Variants in GPX4 observed in about 807,000 individuals in gnomAD.
GPX4 encodes the protein glutathione peroxidase 4.
Under a neutral mutation model 27.8 loss-of-function variants are expected in GPX4, and 28 were observed. That is an observed-to-expected ratio of 1.01 (90% confidence interval 0.75 to 1.38). The LOEUF (loss-of-function observed/expected upper bound fraction) is 1.38, where lower values mean the gene tolerates loss of function less well. GPX4 is among the 40% of genes most tolerant of loss of function. The probability of loss-of-function intolerance (pLI) is 0.00; values close to 1 mark genes in which losing one functional copy is unlikely to be tolerated. For missense variants in GPX4, 357 were observed against 274.1 expected (o/e 1.30, Z -2.14); for synonymous variants, 163 against 107.8 (o/e 1.51, Z -3.17).
chr19:1,106,698 C>G lies in GPX4; in HGVS notation c.*126C>G. ...CCCGAAAATCCAGCGTGCACCCCGC[C>G]GGAGGAAGGTCCCATGGCCTGCTGG... On this transcript the variant is annotated 3_prime_UTR_variant, in exon 7 of 7. Coordinates refer to ENST00000354171, the MANE Select transcript of GPX4 (RefSeq NM_002085.5). The G allele has an allele frequency of 7.7e-7, 1 of 1,305,228 alleles. No individual in the cohort carries two copies. Among genetic ancestry groups the G allele is most frequent in the African/African-American group, 1.5e-5 (1 of 67,886 alleles). 80.9% of individuals were successfully genotyped at this position (1,305,228 alleles called of 1,614,324 possible). A position where few individuals can be genotyped will look rare whatever the true frequency, so the allele number is the denominator to read the frequency against.
chr19:1,104,063 G>A lies in GPX4; in HGVS notation c.20G>A (p.Cys7Tyr). The change falls in exon 1 of 7, where the codon TGC becomes TAC. Residue 7 changes from cysteine (C) to tyrosine (Y), a missense_variant. Cys to Tyr is a radical substitution (Grantham distance 194, BLOSUM62 -2). Transcript: ENST00000354171. MSLGRL[C>Y]RLLKPALLCG... is the part of the protein sequence containing the mutation. ...GCCGCGATGAGCCTCGGCCGCCTTT[G>A]CCGCCTACTGAAGCCGGCGCTGCTC... The A allele has an allele frequency of 1.3e-6, 2 of 1,519,602 alleles. No homozygotes were observed. Among genetic ancestry groups the A allele is most frequent in the East Asian group, 2.6e-5 (1 of 38,556 alleles). 94.1% of individuals were successfully genotyped at this position (1,519,602 alleles called of 1,614,324 possible). A position where few individuals can be genotyped will look rare whatever the true frequency, so the allele number is the denominator to read the frequency against.
chr19:1,106,607 C>T lies in GPX4; in HGVS notation c.*35C>T. 2 of 1,612,586 alleles carry T rather than the reference C, an allele frequency of 1.2e-6. No individual in the cohort carries two copies. The highest frequency in any genetic ancestry group is 2.2e-5 in the East Asian group (1 of 44,854). On this transcript the variant is annotated 3_prime_UTR_variant, in exon 7 of 7. Coordinates refer to ENST00000354171, the MANE Select transcript of GPX4 (RefSeq NM_002085.5). The stretch of plus-strand genomic sequence containing the variant: ...TGTGTGGCCCCGCCCGAGCCCCTGC[C>T]CACGCCCTTGGAGCCTTCCACCGGC...
chr19:1,104,015 A>T lies in GPX4; in HGVS notation c.-29A>T. 1 of 1,511,646 alleles carries T rather than the reference A, an allele frequency of 6.6e-7. No homozygotes were observed. Among genetic ancestry groups the T allele is most frequent in the Middle Eastern group, 2.3e-4 (1 of 4,292 alleles). 93.6% of individuals were successfully genotyped at this position (1,511,646 alleles called of 1,614,324 possible). ...GTCCATTGGTCGGCTGGACGAGGGG[A>T]GGAGCCGCTGGCTCCCAGCCCCGCC... On this transcript the variant is annotated 5_prime_UTR_variant, in exon 1 of 7. Coordinates refer to ENST00000354171, the MANE Select transcript of GPX4 (RefSeq NM_002085.5).
chr19:1,106,642 G>C lies in GPX4; in HGVS notation c.*70G>C, dbSNP rs750675271. On this transcript the variant is annotated 3_prime_UTR_variant, in exon 7 of 7. Transcript: ENST00000354171. ...GGAGCCTTCCACCGGCACTCATGAC[G>C]GCCTGCCTGCAAACCTGCTGGTGGG... 1.9e-6 allele frequency: 3 copies of C among 1,597,922 alleles called. No individual in the cohort carries two copies. The highest frequency in any genetic ancestry group is 1.7e-5 in the Admixed American group (1 of 58,490).
At chr19:1,105,063 G>T (rs1350349828) in intron 1 of GPX4, 123 bp from the exon 2 acceptor site, 1 of 1,480,688 alleles carries the variant, frequency 6.8e-7, no homozygotes, top group African/African-American at 1.4e-5. Flanking sequence ...GGAGCGTTCA[G>T]GTCTTCAGGG....
In GPX4 at chr19:1,105,741, C is replaced by T. The variant is rs372464063; in HGVS notation, c.408C>T (p.Asn136=). ...ATATGTTCAGCAAGATCTGCGTGAA[C>T]GGGGACGACGCCCACCCGCTGTGGA... ...KFDMFSKICV[N]GDDAHPLWKW... Residue 136 remains asparagine, a synonymous_variant, in exon 4 of 7, where the codon AAC becomes AAT. Coordinates refer to ENST00000354171, the MANE Select transcript of GPX4 (RefSeq NM_002085.5). 9.5e-6 allele frequency: 15 copies of T among 1,577,960 alleles called. No homozygotes were observed. The East Asian group carries it at 1.4e-4, about 15-fold the overall frequency.
At chr19:1,104,178 C>A in intron 1 of GPX4, 51 bp downstream of exon 1, 1 of 1,358,212 alleles carries the variant, frequency 7.4e-7, no homozygotes, top group South Asian at 1.6e-5. Context: ...GGGGCGGGCG[C>A]GCGATCCCTG....
At chr19:1,105,551 T>C (rs758198012) in intron 3 of GPX4, 41 bp downstream of exon 3, 2 of 715,020 alleles carry the variant, frequency 2.8e-6, no homozygotes, top group East Asian at 8.9e-5. Flanking sequence ...GGCGGGTGGG[T>C]GGGGGTCGGG....
rs199787199 is a variant in GPX4, at chr19:1,105,673, G to T, written c.340G>T (p.Glu114Ter). The T allele has an allele frequency of 6.2e-7, 1 of 1,613,058 alleles. No individual in the cohort carries two copies. The highest frequency in any genetic ancestry group is 8.5e-7 in the Non-Finnish European group (1 of 1,179,704). ...GCCGCCACAGGAGCCAGGGAGTAAC[G>T]AAGAGATCAAAGAGTTCGCCGCGGG... ...QFGKQEPGSN[E>*]EIKEFAAGYN... is the part of the protein sequence containing the mutation. The change falls in exon 4 of 7, where the codon GAA becomes TAA. Residue 114 changes from glutamate (E) to a stop codon, truncating the protein, a stop_gained. Coordinates refer to ENST00000354171, the MANE Select transcript of GPX4 (RefSeq NM_002085.5). LOFTEE classifies it high-confidence loss of function.
chr19:1,106,353 GC>G (rs2079655586), intron 5 of GPX4, 46 bp from the exon 6 acceptor site: 1 of 1,612,556 alleles, frequency 6.2e-7, no homozygotes, highest in South Asian at 1.1e-5. Flanking sequence ...GGCAGCCTCA[GC>G]CCCTTGCAGG....
In GPX4 at chr19:1,105,732, C is replaced by T. The variant is rs747423599; in HGVS notation, c.399C>T (p.Ile133=). The T allele has an allele frequency of 6.2e-7, 1 of 1,606,622 alleles. No individual in the cohort carries two copies. The highest frequency in any genetic ancestry group is 1.7e-5 in the Admixed American group (1 of 58,856). The part of the protein sequence containing the change: ...YNVKFDMFSK[I]CVNGDDAHPL... The stretch of plus-strand genomic sequence containing the variant: ...TCAAATTCGATATGTTCAGCAAGAT[C>T]TGCGTGAACGGGGACGACGCCCACC... Residue 133 remains isoleucine, a synonymous_variant, in exon 4 of 7, where the codon ATC becomes ATT. Coordinates refer to ENST00000354171, the MANE Select transcript of GPX4 (RefSeq NM_002085.5).
intron 4 of GPX4, 126 bp from the exon 5 acceptor site, chr19:1,106,116 T>G: frequency 1.3e-6 from 1 of 781,006 alleles, no homozygotes; most frequent in Non-Finnish European, 1.9e-6. Flanking sequence ...CTGGGGGGGC[T>G]TGGGGGCACT....
At chr19:1,106,182 A>T in intron 4 of GPX4, 60 bp from the exon 5 acceptor site, 1 of 1,493,216 alleles carries the variant, frequency 6.7e-7, no homozygotes, top group Non-Finnish European at 9.1e-7. Flanking sequence ...TGGAGACAGG[A>T]CAGCTTGGGG....
Position 1,105,705 on chromosome 19 carries a change from C to A in GPX4, c.372C>A (p.Asn124Lys). 6.2e-7 allele frequency: 1 copy of A among 1,611,738 alleles called. No homozygotes were observed. The highest frequency in any genetic ancestry group is 1.1e-5 in the South Asian group (1 of 90,698). Residue 124 changes from asparagine (N) to lysine (K), a missense_variant, in exon 4 of 7, where the codon AAC (asparagine) becomes AAA (lysine). By Grantham distance (94) the Asn-to-Lys change is moderately conservative. Transcript: ENST00000354171. ...TCAAAGAGTTCGCCGCGGGCTACAA[C>A]GTCAAATTCGATATGTTCAGCAAGA... Reference protein sequence around the residue: ...EEIKEFAAGYNVKFDMFSKIC... With the variant: ...EEIKEFAAGYKVKFDMFSKIC...
In GPX4 at chr19:1,105,280, G is replaced by C; in HGVS notation, c.179G>C (p.Arg60Pro). ...CACATGGTTAACCTGGACAAGTACC[G>C]GTGGGCGCTCGCCTGGGGTGGGGCG... is the stretch of plus-strand genomic sequence containing the variant. Reference protein sequence around the residue: ...DGHMVNLDKYRGFVCIVTNVA... With the variant: ...DGHMVNLDKYPGFVCIVTNVA... Residue 60 changes from arginine to proline, a missense_variant and splice_region_variant, in exon 2 of 7, where the codon CGG becomes CCG. By Grantham distance (103) the Arg-to-Pro change is moderately radical. Transcript: ENST00000354171. The C allele has an allele frequency of 6.2e-7, 1 of 1,612,984 alleles. No individual in the cohort carries two copies. The highest frequency in any genetic ancestry group is 1.1e-5 in the South Asian group (1 of 91,086).
chr19:1,105,013 C>T, intron 1 of GPX4, 173 bp from the exon 2 acceptor site: 2 of 1,462,928 alleles, frequency 1.4e-6, no homozygotes, highest in Non-Finnish European at 9.1e-7. Context: ...CCGGTAAAAC[C>T]GGACCAGAAG....
In GPX4 at chr19:1,105,530, G is replaced by A. The variant is rs776175491; in HGVS notation, c.324+20G>A. On this transcript the variant is annotated intron_variant, in intron 3 of 6. Coordinates refer to ENST00000354171, the MANE Select transcript of GPX4 (RefSeq NM_002085.5). ...AAGCAGGTGGGCTGCTGCGTCCCCG[G>A]GGCCCGCAGAGGCGGGTGGGTGGGG... The A allele has an allele frequency of 6.2e-6, 10 of 1,611,612 alleles. No individual in the cohort carries two copies. The South Asian group carries it at 1.1e-4, about 18-fold the overall frequency.
chr19:1,105,518 G>C lies in GPX4; in HGVS notation c.324+8G>C. ...AACCAGTTCGGGAAGCAGGTGGGCTGCTGCGTCCCCGGGGCCCGCAGAGGC... is the reference window on the plus strand; with the variant it reads ...AACCAGTTCGGGAAGCAGGTGGGCTCCTGCGTCCCCGGGGCCCGCAGAGGC... On this transcript the variant is annotated splice_region_variant and intron_variant, in intron 3 of 6. Transcript: ENST00000354171. 1 of 1,612,056 alleles carries C rather than the reference G, an allele frequency of 6.2e-7. No individual in the cohort carries two copies. The highest frequency in any genetic ancestry group is 2.2e-5 in the East Asian group (1 of 44,858).
At chr19:1,106,124 A>C in intron 4 of GPX4, 118 bp from the exon 5 acceptor site, 1 of 926,574 alleles carries the variant, frequency 1.1e-6, no homozygotes, top group East Asian at 2.7e-5. Context: ...GCTTGGGGGC[A>C]CTGTGGCTGT....
Sources: allele counts gnomAD v4.1 joint callset, GRCh38; gene constraint gnomAD v4.1.1; transcripts MANE v1.5; gene names NCBI Gene and HGNC (gene_info 2026-07-23, HGNC 2026-07-21).